CARS1: variants seen among roughly 807,000 people sequenced by gnomAD.
The protein encoded by CARS1 is cysteine--tRNA ligase, cytoplasmic.
A neutral mutation model predicts 106.2 loss-of-function variants in CARS1; 48 were observed. The observed-to-expected ratio is 0.45, with a 90% CI of 0.36 to 0.57. The LOEUF (loss-of-function observed/expected upper bound fraction) is 0.57, where lower values mean the gene tolerates loss of function less well. CARS1 is among the 20% of genes least tolerant of loss of function. CARS1 has a pLI of 0.00. For synonymous variants in CARS1, 409 were observed against 403.4 expected (o/e 1.01, Z -0.17); for missense variants, 968 against 1,057.2 (o/e 0.92, Z 1.17).
Position 3,029,644 on chromosome 11 carries a change from G to C in CARS1, c.802-201C>G, listed in dbSNP as rs1852505801. On this transcript the variant is annotated intron_variant, in intron 7 of 22. Coordinates refer to ENST00000380525, the MANE Select transcript of CARS1 (RefSeq NM_001014437.3). This position sits in a 1 kb window ranked among gnomAD's most constrained non-coding sequence, Gnocchi z 5.9. Reference sequence around the variant, plus strand: ...AAATACAAGACTCTACAAATGGGCAGGTCTCACATGAACTCAGAGGAGCAA... The same window carrying C: ...AAATACAAGACTCTACAAATGGGCACGTCTCACATGAACTCAGAGGAGCAA... 1.7e-6 allele frequency: 1 copy of C among 577,034 alleles called. No individual in the cohort carries two copies. Among genetic ancestry groups the C allele is most frequent in the Non-Finnish European group, 3.0e-6 (1 of 330,394 alleles). The allele number at this position is 577,034 out of a possible 1,614,324, so 35.7% of individuals were successfully genotyped here.
chr11:3,011,681 C>A (rs943837536), intron 18 of CARS1, among the ~76,000 whole-genome samples: 2 of 152,056 alleles, frequency 1.3e-5, no homozygotes, highest in Admixed American at 6.6e-5. Flanking sequence ...ACTGTGTGAA[C>A]CCCAAGTTCA....
At position 3,040,664 on chromosome 11, in the gene CARS1, C is replaced by T. The variant is rs772127207; in HGVS notation, c.455+232G>A. On this transcript the variant is annotated intron_variant, in intron 4 of 22. Transcript: ENST00000380525. The surrounding 1 kb of genome is among the most constrained non-coding windows in gnomAD (Gnocchi z 5.8). The stretch of plus-strand genomic sequence containing the variant: ...AGCATGTTAGCAGTGGGGCTATGGA[C>T]ATTTTCTTTTTGGTGATCTGTAGTC... 58 of 686,472 alleles carry T rather than the reference C, an allele frequency of 8.4e-5. No individual in the cohort carries two copies. The highest frequency in any genetic ancestry group is 1.4e-4 in the Non-Finnish European group (52 of 377,392). 42.5% of individuals were successfully genotyped at this position (686,472 alleles called of 1,614,324 possible). A position where few individuals can be genotyped will look rare whatever the true frequency, so the allele number is the denominator to read the frequency against.
chr11:3,042,144 C>CG lies in CARS1; in HGVS notation c.366+20dup, dbSNP rs1565096957. 8 of 1,591,138 alleles carry CG rather than the reference C, an allele frequency of 5.0e-6. No homozygotes were observed. In the South Asian group the frequency reaches 8.8e-5, roughly 18 times the overall value. ...GCCTCCCCATTGTGTGCGTGTGCCA[C>CG]GGCATCTGTGTTCTCCTTACCTTGT... On this transcript the variant is annotated intron_variant, in intron 3 of 22. Coordinates refer to ENST00000380525, the MANE Select transcript of CARS1 (RefSeq NM_001014437.3).
chr11:3,018,551 C>T lies in CARS1; in HGVS notation c.1526-40G>A, dbSNP rs116421839. The T allele has an allele frequency of 1.2e-3, 1,913 of 1,612,506 alleles. 23 individuals are homozygous for T. In the African/African-American group the frequency reaches 0.022, roughly 18 times the overall value. On this transcript the variant is annotated intron_variant, in intron 13 of 22. Coordinates refer to ENST00000380525, the MANE Select transcript of CARS1 (RefSeq NM_001014437.3). ...AAGACAGCCAACGCCCTTATTCTCC[C>T]GAGTGCTACAGCCATTACACATGTA...
Position 3,019,227 on chromosome 11 carries a change from C to A in CARS1, c.1307G>T (p.Gly436Val). 6.7e-6 allele frequency: 10 copies of A among 1,487,684 alleles called. No homozygotes were observed. The highest frequency in any genetic ancestry group is 9.0e-6 in the Non-Finnish European group (10 of 1,115,610). 92.2% of individuals were successfully genotyped at this position (1,487,684 alleles called of 1,614,324 possible). A position where few individuals can be genotyped will look rare whatever the true frequency, so the allele number is the denominator to read the frequency against. Residue 436 changes from glycine to valine, a missense_variant, in exon 12 of 23, where the codon GGC becomes GTC. Physicochemically the swap from Gly to Val is moderately radical, Grantham distance 109. Transcript: ENST00000380525. The surrounding 1 kb of genome is among the most constrained non-coding windows in gnomAD (Gnocchi z 6.2). ...GWHIECSAMA[G>V]TLLGASMDIH... ...GTCCATCGAAGCCCCTAGGAGGGTG[C>A]CTGCCATGGCCGAGCACTCGATATG... is the stretch of plus-strand genomic sequence containing the variant.
At chr11:3,023,024 T>C (rs1018108466) in intron 10 of CARS1, among the ~76,000 whole-genome samples, 1 of 152,178 alleles carries the variant, frequency 6.6e-6, no homozygotes, top group South Asian at 2.1e-4. Context: ...GTCCTGCATA[T>C]TGGCTGTTAG....
chr11:3,002,754 C>T (rs1008974348), intron 20 of CARS1, among the ~76,000 whole-genome samples, 154 bp from the exon 21 acceptor site: 2 of 152,116 alleles, frequency 1.3e-5, no homozygotes, highest in African/African-American at 4.8e-5. Context: ...GAGACAAGCC[C>T]ATGTGCCGGG....
chr11:3,018,696 C>CAGGT lies in CARS1; in HGVS notation c.1445_1448dup (p.Thr484ProfsTer19). 6.2e-7 allele frequency: 1 copy of CAGGT among 1,614,168 alleles called. No homozygotes were observed. The highest frequency in any genetic ancestry group is 1.1e-5 in the South Asian group (1 of 91,060). The stretch of plus-strand genomic sequence containing the variant: ...TTGACATTTTGCAGCCTGCAATGGT[C>CAGGT]AGGTGGCCTGTGTGCAGGAAGTACC... On this transcript the variant is annotated frameshift_variant, in exon 13 of 23. Coordinates refer to ENST00000380525, the MANE Select transcript of CARS1 (RefSeq NM_001014437.3). LOFTEE classifies it high-confidence loss of function.
chr11:3,031,449 A>G (rs1852748575), intron 7 of CARS1: 1 of 152,238 alleles, frequency 6.6e-6, no homozygotes, highest in Non-Finnish European at 1.5e-5. Flanking sequence ...GGGCTGGAAT[A>G]CTCAATGTTG....
At chr11:3,002,855 G>C (rs981212862) in intron 20 of CARS1, among the ~76,000 whole-genome samples, 2 of 152,178 alleles carry the variant, frequency 1.3e-5, no homozygotes, top group African/African-American at 4.8e-5. Flanking sequence ...GTATGCAGCA[G>C]GCAGACAAAC....
In CARS1 at chr11:3,038,299, G is replaced by A; in HGVS notation, c.652-100C>T. On this transcript the variant is annotated intron_variant, in intron 6 of 22. Transcript: ENST00000380525. The surrounding 1 kb of genome is among the most constrained non-coding windows in gnomAD (Gnocchi z 4.0). ...TAGAAAACAGAACGGTTTTTCCCATGGCCCCATAGAGATAGAGAAGTGTGC... is the reference window on the plus strand; with the variant it reads ...TAGAAAACAGAACGGTTTTTCCCATAGCCCCATAGAGATAGAGAAGTGTGC... 1 of 1,135,224 alleles carries A rather than the reference G, an allele frequency of 8.8e-7. No individual in the cohort carries two copies. Among genetic ancestry groups the A allele is most frequent in the Non-Finnish European group, 1.3e-6 (1 of 773,984 alleles). The allele number at this position is 1,135,224 out of a possible 1,614,324, so 70.3% of individuals were successfully genotyped here. A position where few individuals can be genotyped will look rare whatever the true frequency, so the allele number is the denominator to read the frequency against.
At chr11:3,033,039 T>C (rs539392211) in intron 7 of CARS1, among the ~76,000 whole-genome samples, 1 of 130,712 alleles carries the variant, frequency 7.7e-6, no homozygotes, top group African/African-American at 2.5e-5. Flanking sequence ...CAGAATCTCC[T>C]CTAAAAAAAA....
At position 3,040,180 on chromosome 11, in the gene CARS1, T is replaced by C. The variant is rs1269904735; in HGVS notation, c.456-249A>G. On this transcript the variant is annotated intron_variant, in intron 4 of 22. Transcript: ENST00000380525. This position sits in a 1 kb window ranked among gnomAD's most constrained non-coding sequence, Gnocchi z 5.8. Reference sequence around the variant, plus strand: ...TGCCTCTCCCTTATGATTTTCTTCATAATATTTTCTTTTCTCTGGCTTCCT... The same window carrying C: ...TGCCTCTCCCTTATGATTTTCTTCACAATATTTTCTTTTCTCTGGCTTCCT... 9.3e-6 allele frequency: 4 copies of C among 430,566 alleles called. No homozygotes were observed. Among genetic ancestry groups the C allele is most frequent in the Non-Finnish European group, 1.2e-5 (3 of 243,060 alleles). 26.7% of individuals were successfully genotyped at this position (430,566 alleles called of 1,614,324 possible). A position where few individuals can be genotyped will look rare whatever the true frequency, so the allele number is the denominator to read the frequency against.
chr11:3,048,117 C>G lies in CARS1; in HGVS notation c.26-116G>C. 7.8e-7 allele frequency: 1 copy of G among 1,277,566 alleles called. No homozygotes were observed. Among genetic ancestry groups the G allele is most frequent in the Non-Finnish European group, 1.1e-6 (1 of 940,072 alleles). The allele number at this position is 1,277,566 out of a possible 1,614,324, so 79.1% of individuals were successfully genotyped here. A position where few individuals can be genotyped will look rare whatever the true frequency, so the allele number is the denominator to read the frequency against. On this transcript the variant is annotated intron_variant, in intron 1 of 22. Coordinates refer to ENST00000380525, the MANE Select transcript of CARS1 (RefSeq NM_001014437.3). The surrounding 1 kb of genome is among the most constrained non-coding windows in gnomAD (Gnocchi z 5.1). ...CAAGGAAAAAGGTGTTCAAGCCCTT[C>G]CCTGGACGCCAAACATCCAGAACAG...
chr11:3,008,847 A>C lies in CARS1; in HGVS notation c.2069-1888T>G, dbSNP rs1850160625. 1 of 152,084 alleles carries C rather than the reference A, an allele frequency of 6.6e-6. No homozygotes were observed. The highest frequency in any genetic ancestry group is 1.5e-5 in the Non-Finnish European group (1 of 68,028). The allele number at this position is 152,084 out of a possible 1,614,324, so 9.4% of individuals were successfully genotyped here. On this transcript the variant is annotated intron_variant, in intron 18 of 22. Transcript: ENST00000380525. This position sits in a 1 kb window ranked among gnomAD's most constrained non-coding sequence, Gnocchi z 5.1. ...TAGGTGCCTGCCCTTCACTCTTTGA[A>C]AGCCACCCCTGGATAGCACCCTCAT...
At chr11:3,012,668 C>T (rs939865281) in intron 17 of CARS1, among the ~76,000 whole-genome samples, 1 of 152,198 alleles carries the variant, frequency 6.6e-6, no homozygotes, top group Non-Finnish European at 1.5e-5. Flanking sequence ...CCAAGGACAT[C>T]ACTCCCCAGG....
rs1851488615 is a variant in CARS1 at position 3,020,659 on chromosome 11, G to C, written c.1154-327C>G. The stretch of plus-strand genomic sequence containing the variant: ...TAGCCCACCAGTGTCTAGGACAAGT[G>C]ATAAGAACCCTGGGCTAAAGCTAGG... On this transcript the variant is annotated intron_variant, in intron 10 of 22. Transcript: ENST00000380525. This position sits in a 1 kb window ranked among gnomAD's most constrained non-coding sequence, Gnocchi z 4.6. Among the ~76,000 whole-genome samples the C allele has an allele frequency of 6.6e-6, 1 of 152,184 alleles. No individual in the cohort carries two copies. The highest frequency in any genetic ancestry group is 6.5e-5 in the Admixed American group (1 of 15,284).
intron 18 of CARS1, 98 bp downstream of exon 18, chr11:3,012,097 T>A (rs1850526801): frequency 9.0e-7 from 1 of 1,110,404 alleles, no homozygotes; most frequent in African/African-American, 1.5e-5. Flanking sequence ...CAGAGGATGA[T>A]CCGGCCTGAA....
chr11:3,045,874 C>G lies in CARS1; in HGVS notation c.274+1879G>C, dbSNP rs186538377. 3.5e-3 allele frequency among the ~76,000 whole-genome samples: 530 copies of G among 152,264 alleles called. 1 individual carries two copies. Among genetic ancestry groups the G allele is most frequent in the African/African-American group, 9.9e-3 (413 of 41,542 alleles). ...GCTACTGTCATCCCAGGGACATGGG[C>G]GAGGACACTACACTGGACTCCATGG... On this transcript the variant is annotated intron_variant, in intron 2 of 22. Coordinates refer to ENST00000380525, the MANE Select transcript of CARS1 (RefSeq NM_001014437.3). The surrounding 1 kb of genome is among the most constrained non-coding windows in gnomAD (Gnocchi z 5.6).
Sources: gnomAD v4.1 joint callset for allele counts (sites outside exome capture counted in the v4.1 genomes callset) on GRCh38, gnomAD v4.1.1 for gene constraint, Gnocchi (gnomAD v3.1) non-coding constraint, MANE v1.5 for transcripts, NCBI Gene and HGNC (gene_info 2026-07-23, HGNC 2026-07-21) for gene names.